The following R3HDM1 variants were observed in gnomAD, a reference collection of about 807,000 sequenced individuals.
R3HDM1 encodes the protein R3H domain containing 1, also known as R3H domain-containing protein 1.
Under a neutral mutation model 141.1 loss-of-function variants are expected in R3HDM1, and 46 were observed. The ratio of observed to expected loss-of-function variants is 0.33; its 90% CI spans 0.26 to 0.42. The LOEUF is 0.42. R3HDM1 is among the 10% of genes least tolerant of loss of function. The probability of loss-of-function intolerance (pLI) is 1.00; values close to 1 mark genes in which losing one functional copy is unlikely to be tolerated. For synonymous variants in R3HDM1, 435 were observed against 472.9 expected (o/e 0.92, Z 1.04); for missense variants, 1,184 against 1,368.3 (o/e 0.87, Z 2.12).
rs2105361998 is a variant in R3HDM1 at position 135,683,751 on chromosome 2, A to C, written c.2459+3427A>C. ...TCACTTAAGAAGTCAACTATTGGTAATTTTTATTAATCAGATAGTTGAATT... is the reference window on the plus strand; with the variant it reads ...TCACTTAAGAAGTCAACTATTGGTACTTTTTATTAATCAGATAGTTGAATT... On this transcript the variant is annotated intron_variant, in intron 21 of 26. Transcript: ENST00000683871. Among the ~76,000 whole-genome samples, 3 of 152,222 alleles carry C rather than the reference A, an allele frequency of 2.0e-5. No homozygotes were observed. In the East Asian group the frequency reaches 5.8e-4, roughly 29 times the overall value.
At chr2:135,611,929 G>T (rs1192001369) in intron 3 of R3HDM1, among the ~76,000 whole-genome samples, 2 of 152,144 alleles carry the variant, frequency 1.3e-5, no homozygotes, top group Non-Finnish European at 2.9e-5. Flanking sequence ...TCACCAGTGG[G>T]ATGGGATGAT....
At chr2:135,573,794 AAAC>A (rs891238926) in intron 1 of R3HDM1, among the ~76,000 whole-genome samples, 34 of 152,298 alleles carry the variant, frequency 2.2e-4, no homozygotes, top group Middle Eastern at 6.8e-3. Flanking sequence ...CCCCACAACA[AAAC>A]AAATAATTGG....
At chr2:135,576,046 A>G (rs1705346997) in intron 1 of R3HDM1, among the ~76,000 whole-genome samples, 1 of 152,216 alleles carries the variant, frequency 6.6e-6, no homozygotes, top group Non-Finnish European at 1.5e-5. Context: ...GAATAAATAA[A>G]TAGAGAAGTG....
chr2:135,676,741 G>A (rs777861761), intron 20 of R3HDM1, among the ~76,000 whole-genome samples: 18 of 152,276 alleles, frequency 1.2e-4, no homozygotes, highest in Non-Finnish European at 2.2e-4. Flanking sequence ...AACCCGGGAG[G>A]CGAAGGTTGC....
At chr2:135,575,617 A>G (rs1705238065) in intron 1 of R3HDM1, among the ~76,000 whole-genome samples, 1 of 152,228 alleles carries the variant, frequency 6.6e-6, no homozygotes, top group African/African-American at 2.4e-5. Context: ...TTAAAAAATC[A>G]ATAGACTCAT....
intron 22 of R3HDM1, 59 bp from the exon 23 acceptor site, chr2:135,710,000 G>A (rs1185241905): frequency 6.6e-7 from 1 of 1,515,736 alleles, no homozygotes; most frequent in East Asian, 2.3e-5. Flanking sequence ...CTAGTGTTCA[G>A]AAACACCAAC....
chr2:135,698,052 C>CA (rs1193995693), intron 21 of R3HDM1, among the ~76,000 whole-genome samples: 10,369 of 72,736 alleles, frequency 0.14, 670 homozygotes, highest in South Asian at 0.34. Flanking sequence ...AACTCTGTCT[C>CA]AAAAAAAAAA....
At chr2:135,685,497 T>G (rs550236837) in intron 21 of R3HDM1, among the ~76,000 whole-genome samples, 24 of 152,340 alleles carry the variant, frequency 1.6e-4, no homozygotes, top group Non-Finnish European at 3.4e-4. Flanking sequence ...CATTTAATAT[T>G]ACAACTGATA....
At chr2:135,593,866 C>T (rs1216892006) in intron 1 of R3HDM1, among the ~76,000 whole-genome samples, 1 of 152,076 alleles carries the variant, frequency 6.6e-6, no homozygotes, top group Non-Finnish European at 1.5e-5. Context: ...ATTACAGGCG[C>T]GCACCACCAC....
At position 135,645,447 on chromosome 2, in the gene R3HDM1, A is replaced by G; in HGVS notation, c.1543A>G (p.Arg515Gly). 1.2e-6 allele frequency: 2 copies of G among 1,613,566 alleles called. No individual in the cohort carries two copies. Among genetic ancestry groups the G allele is most frequent in the East Asian group, 2.2e-5 (1 of 44,884 alleles). ...YNPPMTQQPV[R>G]SQVPGPPQPP... ...TCCTCCTATGACTCAACAACCAGTTAGATCCCAAGTGCCTGGACCTCCACA... is the reference window on the plus strand; with the variant it reads ...TCCTCCTATGACTCAACAACCAGTTGGATCCCAAGTGCCTGGACCTCCACA... The change falls in exon 16 of 27, where the codon AGA becomes GGA. Residue 515 changes from arginine to glycine, a missense_variant. Around this residue, in one of 5 missense-constraint regions of R3HDM1, gnomAD observed 563 missense variants for 562.0 expected, o/e 1.00. Coordinates refer to ENST00000683871, the MANE Select transcript of R3HDM1 (RefSeq NM_001378107.1).
chr2:135,700,292 C>T (rs2074029361), intron 21 of R3HDM1, among the ~76,000 whole-genome samples: 1 of 152,032 alleles, frequency 6.6e-6, no homozygotes, highest in Non-Finnish European at 1.5e-5. Context: ...ACTTAGTTGT[C>T]ACAGACCGTT....
In R3HDM1 at chr2:135,650,454, G is replaced by T. The variant is rs79465768; in HGVS notation, c.1725+451G>T. On this transcript the variant is annotated intron_variant, in intron 17 of 26. Coordinates refer to ENST00000683871, the MANE Select transcript of R3HDM1 (RefSeq NM_001378107.1). ...GACTTCTAAGTATATTTTCTAAGAA[G>T]ATTTCTGGATATTTAATCTGTGACT... The T allele has an allele frequency of 8.2e-4, 809 of 981,256 alleles. 4 individuals carry two copies. In the African/African-American group the frequency reaches 0.013, roughly 16 times the overall value. The allele number at this position is 981,256 out of a possible 1,614,324, so 60.8% of individuals were successfully genotyped here.
chr2:135,536,529 C>T (rs1574354374), intron 1 of R3HDM1: 3 of 927,504 alleles, frequency 3.2e-6, no homozygotes, highest in Non-Finnish European at 3.9e-6. Context: ...CCTATAACAA[C>T]TTCATCTGCA....
rs1481028574 is a variant in R3HDM1 at position 135,670,421 on chromosome 2, T to C, written c.2153-4911T>C. ...TCAGTTGAGTTGTTTGATGTTAAAC[T>C]TGAGGTCTAAATATGTTTTGAAGAA... On this transcript the variant is annotated intron_variant, in intron 19 of 26. Transcript: ENST00000683871. The C allele has an allele frequency of 7.2e-6, 7 of 966,164 alleles. No homozygotes were observed. In the African/African-American group the frequency reaches 1.2e-4, roughly 17 times the overall value. 59.8% of individuals were successfully genotyped at this position (966,164 alleles called of 1,614,324 possible).
intron 1 of R3HDM1, among the ~76,000 whole-genome samples, chr2:135,591,796 T>C (rs1709334690): frequency 6.6e-6 from 1 of 152,158 alleles, no homozygotes; most frequent in Non-Finnish European, 1.5e-5. Context: ...CACTCAGCAT[T>C]AGAGCTTTAT....
In R3HDM1 at chr2:135,602,625, G is replaced by A. The variant is rs2059710818; in HGVS notation, c.-124G>A. 7.1e-6 allele frequency: 11 copies of A among 1,547,596 alleles called. No individual in the cohort carries two copies. The highest frequency in any genetic ancestry group is 9.6e-6 in the Non-Finnish European group (11 of 1,146,154). ...ATGGTTCACTACAGTTGACATCCTG[G>A]CTGACAACTGTGAAAAAGAACCTTG... On this transcript the variant is annotated 5_prime_UTR_variant, in exon 2 of 27. Transcript: ENST00000683871.
chr2:135,675,099 C>A (rs1255329028), intron 19 of R3HDM1, among the ~76,000 whole-genome samples: 1 of 152,078 alleles, frequency 6.6e-6, no homozygotes, highest in East Asian at 1.9e-4. Flanking sequence ...ACCCTATAAT[C>A]TTTGCAATTG....
chr2:135,667,523 T>G (rs567517470), intron 19 of R3HDM1: 1 of 585,674 alleles, frequency 1.7e-6, no homozygotes, highest in East Asian at 1.4e-4. Flanking sequence ...ATAAAAGATA[T>G]AGTGTTTTCC....
At position 135,725,132 on chromosome 2, in the gene R3HDM1, G is replaced by A. The variant is rs903147011; in HGVS notation, c.*840G>A. 12 of 152,052 alleles carry A rather than the reference G, an allele frequency of 7.9e-5. No homozygotes were observed. Among genetic ancestry groups the A allele is most frequent in the African/African-American group, 2.7e-4 (11 of 41,354 alleles). The allele number at this position is 152,052 out of a possible 1,614,324, so 9.4% of individuals were successfully genotyped here. A position where few individuals can be genotyped will look rare whatever the true frequency, so the allele number is the denominator to read the frequency against. On this transcript the variant is annotated 3_prime_UTR_variant, in exon 27 of 27. Transcript: ENST00000683871. ...ACAGTTTGTTTTCATTGTTTGCAGC[G>A]GATCACTGGACATCAAAGATTCATT...
Sources: gnomAD v4.1 joint callset for allele counts (sites outside exome capture counted in the v4.1 genomes callset) on GRCh38, gnomAD v4.1.1 for gene constraint, gnomAD v4.1.1 regional missense constraint, MANE v1.5 for transcripts, NCBI Gene and HGNC (gene_info 2026-07-23, HGNC 2026-07-21) for gene names.